RBFOX1: variants seen among roughly 807,000 people sequenced by gnomAD.
RBFOX1 encodes the protein RNA binding protein fox-1 homolog 1.
A neutral mutation model predicts 57.7 loss-of-function variants in RBFOX1; 8 were observed. That is an observed-to-expected ratio of 0.14 (90% CI 0.08 to 0.25). RBFOX1 has a LOEUF of 0.25. RBFOX1 is among the 10% of genes least tolerant of loss of function. RBFOX1 has a pLI of 1.00. For synonymous variants in RBFOX1, 326 were observed against 222.4 expected (o/e 1.47, Z -4.15); for missense variants, 611 against 548.5 (o/e 1.11, Z -1.14).
At chr16:5,460,928 AG>A (rs1215463422) in intron 1 of RBFOX1, among the ~76,000 whole-genome samples, 1 of 152,128 alleles carries the variant, frequency 6.6e-6, no homozygotes, top group South Asian at 2.1e-4. Context: ...GTCATCAGGA[AG>A]GGGGGTGGGT....
At chr16:5,687,506 T>A (rs1458647414) in intron 3 of RBFOX1, among the ~76,000 whole-genome samples, 1 of 152,208 alleles carries the variant, frequency 6.6e-6, no homozygotes, top group African/African-American at 2.4e-5. Flanking sequence ...TGAAGCTATG[T>A]TCGAATGCTT....
chr16:5,784,414 G>A (rs59518606), intron 3 of RBFOX1, among the ~76,000 whole-genome samples: 38,147 of 151,130 alleles, frequency 0.25, 5,566 homozygotes, highest in East Asian at 0.54. Flanking sequence ...GCGACAGAGC[G>A]AGAGTCCGTC....
intron 1 of RBFOX1, among the ~76,000 whole-genome samples, chr16:6,072,211 C>G (rs1185001703): frequency 6.6e-6 from 1 of 152,116 alleles, no homozygotes; most frequent in Non-Finnish European, 1.5e-5. Flanking sequence ...TATCAGAGAA[C>G]AGCATGGGGT....
chr16:5,562,713 C>T (rs1454006107), intron 2 of RBFOX1, among the ~76,000 whole-genome samples: 3 of 152,092 alleles, frequency 2.0e-5, no homozygotes, highest in Non-Finnish European at 4.4e-5. Context: ...GGTATGGGTG[C>T]CTCTCTGTCC....
chr16:6,814,251 G>GT lies in RBFOX1; in HGVS notation c.-16+159601_-16+159602insT, dbSNP rs1555496127. Among the ~76,000 whole-genome samples, 30 of 145,786 alleles carry GT rather than the reference G, an allele frequency of 2.1e-4. No homozygotes were observed. In the East Asian group the frequency reaches 3.9e-3, roughly 19 times the overall value. On this transcript the variant is annotated intron_variant, in intron 3 of 15. Coordinates refer to ENST00000550418, the MANE Select transcript of RBFOX1 (RefSeq NM_018723.4). ...AATAACACAGAGAGAAAATTGTGGT[G>GT]GGGGGGAGGGAGGAGGTCTAAGAGA...
At chr16:6,608,068 G>C (rs1331206291) in intron 2 of RBFOX1, among the ~76,000 whole-genome samples, 1 of 152,134 alleles carries the variant, frequency 6.6e-6, no homozygotes, top group Non-Finnish European at 1.5e-5. Context: ...ACAGAATTTT[G>C]AGAGAAATTA....
chr16:6,508,990 G>C (rs1213727147), intron 2 of RBFOX1, among the ~76,000 whole-genome samples: 4 of 152,108 alleles, frequency 2.6e-5, no homozygotes, highest in African/African-American at 9.7e-5. Flanking sequence ...TATTTTGTAG[G>C]ATTTAATTTT....
intron 3 of RBFOX1, among the ~76,000 whole-genome samples, chr16:6,756,318 C>A (rs866293114): frequency 1.3e-5 from 2 of 152,016 alleles, no homozygotes; most frequent in Admixed American, 1.3e-4. Context: ...ATACAAAAAT[C>A]AACTCAAAAT....
intron 1 of RBFOX1, among the ~76,000 whole-genome samples, chr16:5,392,278 T>C (rs993911292): frequency 6.6e-6 from 1 of 151,952 alleles, no homozygotes; most frequent in African/African-American, 2.4e-5. Flanking sequence ...CTAAAACCTA[T>C]GGAAATAAAA....
At chr16:5,407,023 A>G (rs983825882) in intron 1 of RBFOX1, among the ~76,000 whole-genome samples, 4 of 152,200 alleles carry the variant, frequency 2.6e-5, no homozygotes, top group Middle Eastern at 3.2e-3. Context: ...AGACTGGGTA[A>G]TTTATAAAAG....
intron 2 of RBFOX1, among the ~76,000 whole-genome samples, chr16:5,546,065 C>T (rs948183117): frequency 2.0e-5 from 3 of 151,994 alleles, no homozygotes; most frequent in Non-Finnish European, 4.4e-5. Context: ...AAAATACTAT[C>T]TGTAATACTA....
At chr16:6,981,928 G>A in intron 3 of RBFOX1, among the ~76,000 whole-genome samples, 1 of 152,264 alleles carries the variant, frequency 6.6e-6, no homozygotes, top group African/African-American at 2.4e-5. Flanking sequence ...ACGCATGCAT[G>A]GGTCTTTGTA....
chr16:6,521,611 A>G (rs75548753), intron 2 of RBFOX1, among the ~76,000 whole-genome samples: 1,914 of 151,434 alleles, frequency 0.013, 31 homozygotes, highest in African/African-American at 0.044. Flanking sequence ...CAGCAATCAC[A>G]CATGTTAAGG....
chr16:6,293,158 C>G (rs1271453634), intron 1 of RBFOX1, among the ~76,000 whole-genome samples: 1 of 152,028 alleles, frequency 6.6e-6, no homozygotes, highest in Non-Finnish European at 1.5e-5. Flanking sequence ...TTTCATAGTA[C>G]CCTATTAAGT....
At chr16:7,025,466 G>A (rs1343987151) in intron 3 of RBFOX1, among the ~76,000 whole-genome samples, 1 of 152,148 alleles carries the variant, frequency 6.6e-6, no homozygotes, top group African/African-American at 2.4e-5. Flanking sequence ...TTCTGGGAAT[G>A]CATCCTAGTA....
intron 3 of RBFOX1, among the ~76,000 whole-genome samples, chr16:5,839,308 A>G (rs1397500169): frequency 2.0e-5 from 3 of 152,098 alleles, no homozygotes; most frequent in Admixed American, 1.3e-4. Flanking sequence ...GAAATCTCAT[A>G]TTTCTGTTAG....
At position 5,518,833 on chromosome 16, in the gene RBFOX1, T is replaced by C. The variant is rs999066241; in HGVS notation, c.258+51579T>C. ...AAAATGACAGATTCAAGATGATGGC[T>C]GTTATGAGTTGAACCGCATCCCTAT... On this transcript the variant is annotated intron_variant, in intron 2 of 2. Coordinates refer to the RBFOX1 transcript ENST00000585867. 4.6e-5 allele frequency among the ~76,000 whole-genome samples: 7 copies of C among 152,328 alleles called. No individual in the cohort carries two copies. The South Asian group carries it at 1.2e-3, about 27-fold the overall frequency.
intron 2 of RBFOX1, among the ~76,000 whole-genome samples, chr16:6,432,516 A>G (rs888058336): frequency 7.0e-6 from 1 of 143,844 alleles, no homozygotes; most frequent in African/African-American, 2.7e-5. Context: ...TACTAAAAAT[A>G]CAAAAAAAAA....
Position 7,177,764 on chromosome 16 carries a change from G to A in RBFOX1, c.27+125666G>A, listed in dbSNP as rs150116833. Among the ~76,000 whole-genome samples the A allele has an allele frequency of 8.1e-3, 1,232 of 152,300 alleles. 14 individuals are homozygous for A. Among genetic ancestry groups the A allele is most frequent in the African/African-American group, 0.028 (1,146 of 41,574 alleles). On this transcript the variant is annotated intron_variant, in intron 4 of 15. Transcript: ENST00000550418. ...TTTTGCAGGTCTTTTGGTCTCCGCT[G>A]CAACTCCTCAACTCTTCTGTTGTAG...
Sources: allele counts gnomAD v4.1 joint callset (sites outside exome capture counted in the v4.1 genomes callset), GRCh38; gene constraint gnomAD v4.1.1; transcripts MANE v1.5; gene names NCBI Gene and HGNC (gene_info 2026-07-23, HGNC 2026-07-21).